Variants in GRIN3A observed in about 807,000 individuals in gnomAD.
The protein encoded by GRIN3A is glutamate receptor ionotropic, NMDA 3A.
In GRIN3A, 47 loss-of-function variants were observed where a neutral mutation model predicts 92.4. The observed-to-expected ratio is 0.51, with a 90% CI of 0.40 to 0.65. The LOEUF is 0.65. GRIN3A is among the 30% of genes least tolerant of loss of function. GRIN3A has a pLI of 0.00. For synonymous variants in GRIN3A, 527 were observed against 540.6 expected (o/e 0.97, Z 0.35); for missense variants, 1,324 against 1,393.1 (o/e 0.95, Z 0.79).
At chr9:101,724,327 C>G (rs1484845403) in intron 1 of GRIN3A, among the ~76,000 whole-genome samples, 1 of 152,174 alleles carries the variant, frequency 6.6e-6, no homozygotes, top group Non-Finnish European at 1.5e-5. Flanking sequence ...TGCTGGGGGA[C>G]CCAGTACGCC....
intron 5 of GRIN3A, among the ~76,000 whole-genome samples, chr9:101,620,631 A>G (rs889855750): frequency 3.9e-5 from 6 of 152,156 alleles, no homozygotes; most frequent in African/African-American, 1.4e-4. Flanking sequence ...TTTCAAACCT[A>G]ATTAGTTATT....
intron 1 of GRIN3A, among the ~76,000 whole-genome samples, chr9:101,713,871 T>A (rs1456107586): frequency 1.3e-5 from 2 of 150,848 alleles, no homozygotes; most frequent in African/African-American, 4.9e-5. Flanking sequence ...ATGCCAGGAG[T>A]TCAAGACCAG....
intron 1 of GRIN3A, among the ~76,000 whole-genome samples, chr9:101,725,849 T>A (rs544325327): frequency 6.6e-6 from 1 of 152,360 alleles, no homozygotes; most frequent in East Asian, 1.9e-4. Flanking sequence ...GGGTCACTCC[T>A]TACTTCATTC....
chr9:101,579,945 G>C (rs534555023), intron 6 of GRIN3A, among the ~76,000 whole-genome samples: 1 of 152,076 alleles, frequency 6.6e-6, no homozygotes, highest in African/African-American at 2.4e-5. Flanking sequence ...TGGCCAACTT[G>C]TGGGGGATGC....
chr9:101,577,189 A>T lies in GRIN3A; in HGVS notation c.3008+579T>A, dbSNP rs140862569. ...GTTTGTAGAAAAGTGCCAGGAAATGAATTAGGCATGACATGTCTGTTTCAT... is the reference window on the plus strand; with the variant it reads ...GTTTGTAGAAAAGTGCCAGGAAATGTATTAGGCATGACATGTCTGTTTCAT... On this transcript the variant is annotated intron_variant, in intron 8 of 8. Transcript: ENST00000361820. Among the ~76,000 whole-genome samples the T allele has an allele frequency of 2.6e-5, 4 of 152,332 alleles. No individual in the cohort carries two copies. The East Asian group carries it at 7.7e-4, about 29-fold the overall frequency.
At chr9:101,636,229 A>T (rs936713624) in intron 3 of GRIN3A, among the ~76,000 whole-genome samples, 2 of 152,150 alleles carry the variant, frequency 1.3e-5, no homozygotes, top group African/African-American at 4.8e-5. Context: ...ACTTTCCTCC[A>T]TTCCACATCC....
At chr9:101,735,404 C>G (rs564574620) in intron 1 of GRIN3A, among the ~76,000 whole-genome samples, 2 of 151,756 alleles carry the variant, frequency 1.3e-5, no homozygotes, top group South Asian at 2.1e-4. Context: ...ATCCACCCCC[C>G]ACCCCGGTCT....
Position 101,623,451 on chromosome 9 carries a change from G to A in GRIN3A, c.2499-18C>T, listed in dbSNP as rs187009751. 2.3e-4 allele frequency: 350 copies of A among 1,490,886 alleles called. 2 individuals are homozygous for A. In the East Asian group the frequency reaches 6.9e-3, roughly 30 times the overall value. 92.4% of individuals were successfully genotyped at this position (1,490,886 alleles called of 1,614,324 possible). A position where few individuals can be genotyped will look rare whatever the true frequency, so the allele number is the denominator to read the frequency against. ...GATCATTCCTATATTTAAGACCAGA[G>A]GAGAAAAGTGAAAATGATTCATTAA... On this transcript the variant is annotated intron_variant, in intron 4 of 8. Transcript: ENST00000361820.
intron 3 of GRIN3A, among the ~76,000 whole-genome samples, chr9:101,644,477 A>C (rs988492123): frequency 5.3e-5 from 8 of 150,670 alleles, no homozygotes; most frequent in Non-Finnish European, 8.9e-5. Context: ...AAAAAAAAAA[A>C]ACACAGTGTG....
At chr9:101,623,925 G>T (rs953268020) in intron 4 of GRIN3A, among the ~76,000 whole-genome samples, 3 of 152,196 alleles carry the variant, frequency 2.0e-5, no homozygotes, top group Non-Finnish European at 2.9e-5. Context: ...TCAGATGAAG[G>T]GTGAGTCTCA....
In GRIN3A at chr9:101,628,392, G is replaced by T; in HGVS notation, c.2362C>A (p.Pro788Thr). The change falls in exon 4 of 9, where the codon CCT (proline) becomes ACT (threonine). Residue 788 changes from proline (P) to threonine (T), a missense_variant. Pro to Thr is a conservative substitution (Grantham distance 38). Transcript: ENST00000361820. ...GTTCCAAAGCGGAATCCTTGGGAAG[G>T]ATGATGTAACTATGAGGGAGAAAAA... is the stretch of plus-strand genomic sequence containing the variant. ...SGIHDPKLHH[P>T]SQGFRFGTVR... The T allele has an allele frequency of 6.2e-7, 1 of 1,613,618 alleles. No individual in the cohort carries two copies. Among genetic ancestry groups the T allele is most frequent in the African/African-American group, 1.3e-5 (1 of 74,994 alleles).
At chr9:101,663,706 T>A (rs892571348) in intron 3 of GRIN3A, among the ~76,000 whole-genome samples, 6 of 151,822 alleles carry the variant, frequency 4.0e-5, no homozygotes, top group African/African-American at 1.4e-4. Flanking sequence ...TAAATATTTT[T>A]GGTTAAAGTT....
chr9:101,587,400 G>T (rs949256527), intron 6 of GRIN3A, among the ~76,000 whole-genome samples: 3 of 152,096 alleles, frequency 2.0e-5, no homozygotes, highest in Non-Finnish European at 4.4e-5. Context: ...CTAGCTCCGA[G>T]GTGTGAATAT....
intron 1 of GRIN3A, among the ~76,000 whole-genome samples, chr9:101,693,254 T>C (rs950989817): frequency 1.3e-4 from 19 of 148,152 alleles, no homozygotes; most frequent in African/African-American, 3.7e-4. Flanking sequence ...AATATATATA[T>C]ATATATATAT....
chr9:101,574,685 G>C (rs1306802985), intron 8 of GRIN3A, among the ~76,000 whole-genome samples: 5 of 152,180 alleles, frequency 3.3e-5, no homozygotes, highest in African/African-American at 9.7e-5. Flanking sequence ...TGCTGAATCT[G>C]CTTTCCTCCC....
intron 1 of GRIN3A, among the ~76,000 whole-genome samples, chr9:101,720,686 G>A (rs1036512662): frequency 5.9e-5 from 9 of 152,128 alleles, no homozygotes; most frequent in Admixed American, 4.6e-4. Flanking sequence ...GACAACTTGG[G>A]TATATATCCG....
intron 5 of GRIN3A, among the ~76,000 whole-genome samples, chr9:101,616,383 ACT>A (rs1828454111): frequency 6.6e-6 from 1 of 151,872 alleles, no homozygotes; most frequent in South Asian, 2.1e-4. Context: ...ACCCATCCAA[ACT>A]CTTTTGTTTT....
At chr9:101,589,869 C>T (rs1172986939) in intron 6 of GRIN3A, among the ~76,000 whole-genome samples, 1 of 152,062 alleles carries the variant, frequency 6.6e-6, no homozygotes, top group East Asian at 1.9e-4. Context: ...ACTTCTGTGC[C>T]AAAGAGTGTA....
chr9:101,728,855 T>C (rs889626136), intron 1 of GRIN3A, among the ~76,000 whole-genome samples: 3 of 152,182 alleles, frequency 2.0e-5, no homozygotes, highest in Non-Finnish European at 4.4e-5. Context: ...CAGTAAAATA[T>C]GGAGATTTTG....
Sources: allele counts gnomAD v4.1 joint callset (sites outside exome capture counted in the v4.1 genomes callset), GRCh38; gene constraint gnomAD v4.1.1; transcripts MANE v1.5; gene names NCBI Gene and HGNC (gene_info 2026-07-23, HGNC 2026-07-21).